THSD7A: variants seen among roughly 807,000 people sequenced by gnomAD.
THSD7A encodes thrombospondin type 1 domain containing 7A, also known as thrombospondin type-1 domain-containing protein 7A.
In THSD7A, 96 loss-of-function variants were observed where a neutral mutation model predicts 231.3. The ratio of observed to expected loss-of-function variants is 0.41; its 90% CI spans 0.35 to 0.49. The LOEUF is 0.49. Among genes scored for constraint, THSD7A ranks in the 20% least tolerant of loss-of-function variants. The pLI, the probability that THSD7A is intolerant of heterozygous loss-of-function variation, is 0.05. For missense variants in THSD7A, 2,290 were observed against 2,070.2 expected, an observed-to-expected ratio of 1.11 and a Z score of -2.06; for synonymous variants, 940 against 743.3, an observed-to-expected ratio of 1.26 and a Z score of -4.30.
chr7:11,821,225 G>A (rs1784863861), intron 1 of THSD7A: 4 of 1,185,196 alleles, frequency 3.4e-6, no homozygotes, highest in African/African-American at 1.5e-5. Context: ...ACTATATGTT[G>A]GGCTAACAGT....
intron 1 of THSD7A, among the ~76,000 whole-genome samples, chr7:11,689,730 C>T (rs78495262): frequency 0.091 from 13,742 of 150,618 alleles, 789 homozygotes; most frequent in Non-Finnish European, 0.14. Flanking sequence ...CTTTAGCTAT[C>T]CATAGTAAAT....
chr7:11,664,954 T>C (rs1180623429), intron 1 of THSD7A, among the ~76,000 whole-genome samples: 2 of 151,906 alleles, frequency 1.3e-5, no homozygotes, highest in Non-Finnish European at 2.9e-5. Flanking sequence ...AGGGAAAGGG[T>C]GGCTTAGGTA....
intron 1 of THSD7A, among the ~76,000 whole-genome samples, chr7:11,668,765 A>G (rs1312319425): frequency 6.6e-6 from 1 of 152,168 alleles, no homozygotes; most frequent in East Asian, 1.9e-4. Flanking sequence ...AATAAATCTC[A>G]TGTAATCCAG....
intron 4 of THSD7A, among the ~76,000 whole-genome samples, chr7:11,549,288 T>C (rs1789528288): frequency 1.4e-5 from 2 of 138,382 alleles, no homozygotes; most frequent in South Asian, 4.7e-4. Context: ...TTTTACACTG[T>C]TTGTGTAATG....
chr7:11,602,861 T>C (rs565533120), intron 2 of THSD7A, among the ~76,000 whole-genome samples: 10 of 151,426 alleles, frequency 6.6e-5, no homozygotes, highest in Non-Finnish European at 1.2e-4. Flanking sequence ...CAGGTTTTTA[T>C]GGTTTTAGGT....
Position 11,593,302 on chromosome 7 carries a change from T to G in THSD7A, c.1223A>C (p.Glu408Ala). The G allele has an allele frequency of 6.2e-7, 1 of 1,614,018 alleles. No homozygotes were observed. Among genetic ancestry groups the G allele is most frequent in the Non-Finnish European group, 8.5e-7 (1 of 1,179,884 alleles). ...TCCTTGAGACAAACAGGGTTCTTTT[T>G]CTTCAAATTCTGGACACTCCTTTTC... Reference protein sequence around the residue: ...GSEKECPEFEEKEPCLSQGDG... With the variant: ...GSEKECPEFEAKEPCLSQGDG... The change falls in exon 3 of 28, where the codon GAA becomes GCA. Residue 408 changes from glutamate to alanine, a missense_variant. By Grantham distance (107) the Glu-to-Ala change is moderately radical. Transcript: ENST00000423059.
chr7:11,712,006 C>A (rs948364334), intron 1 of THSD7A, among the ~76,000 whole-genome samples: 1 of 151,052 alleles, frequency 6.6e-6, no homozygotes. Flanking sequence ...AAACACTCAG[C>A]TGAAACCTTC....
rs780939593 is a variant in THSD7A, at chr7:11,406,484, A to G, written c.4063-10T>C. The G allele has an allele frequency of 6.2e-7, 1 of 1,600,266 alleles. No homozygotes were observed. Among genetic ancestry groups the G allele is most frequent in the South Asian group, 1.1e-5 (1 of 88,720 alleles). On this transcript the variant is annotated splice_polypyrimidine_tract_variant and intron_variant, in intron 21 of 27. Transcript: ENST00000423059. This position sits in a 1 kb window ranked among gnomAD's most constrained non-coding sequence, Gnocchi z 4.7. ...CTCCACACTGGGCCTCCTGGAATGG[A>G]GGAAGAAATAACTAATTAGAAAAAG...
intron 1 of THSD7A, among the ~76,000 whole-genome samples, chr7:11,731,891 T>G (rs1381000385): frequency 2.9e-5 from 3 of 104,422 alleles, no homozygotes; most frequent in African/African-American, 1.6e-4. Flanking sequence ...CTGCTGATTT[T>G]AATTGTTATC....
chr7:11,430,667 T>C (rs1039686003), intron 13 of THSD7A, among the ~76,000 whole-genome samples: 1 of 151,976 alleles, frequency 6.6e-6, no homozygotes, highest in South Asian at 2.1e-4. Flanking sequence ...AGAGATGAGG[T>C]GTTACGGTGT....
intron 4 of THSD7A, among the ~76,000 whole-genome samples, chr7:11,569,322 A>G (rs1790523012): frequency 6.6e-6 from 1 of 152,194 alleles, no homozygotes; most frequent in South Asian, 2.1e-4. Context: ...AAGGAACTCA[A>G]CTGCAATAAT....
chr7:11,798,514 AAG>A (rs2128180538), intron 1 of THSD7A, among the ~76,000 whole-genome samples: 1 of 152,120 alleles, frequency 6.6e-6, no homozygotes, highest in Non-Finnish European at 1.5e-5. Context: ...AAAAAAGAGA[AAG>A]AAATATGCAA....
chr7:11,605,726 T>C (rs544034701), intron 2 of THSD7A, among the ~76,000 whole-genome samples: 1 of 152,262 alleles, frequency 6.6e-6, no homozygotes, highest in East Asian at 1.9e-4. Context: ...TTACCAATAA[T>C]TGGATAGGCT....
intron 6 of THSD7A, among the ~76,000 whole-genome samples, chr7:11,486,170 T>C (rs960095303): frequency 6.6e-6 from 1 of 152,218 alleles, no homozygotes; most frequent in Non-Finnish European, 1.5e-5. Context: ...ATCTTACTTA[T>C]AAGAACTTAC....
chr7:11,618,858 C>T (rs1002458582), intron 2 of THSD7A, among the ~76,000 whole-genome samples: 1 of 151,116 alleles, frequency 6.6e-6, no homozygotes, highest in African/African-American at 2.4e-5. Context: ...TTTATGCACA[C>T]ATATGAATTT....
In THSD7A at chr7:11,474,165, A is replaced by G. The variant is rs923994621; in HGVS notation, c.2252+169T>C. Among the ~76,000 whole-genome samples the G allele has an allele frequency of 2.0e-5, 3 of 152,190 alleles. No homozygotes were observed. Among genetic ancestry groups the G allele is most frequent in the Non-Finnish European group, 4.4e-5 (3 of 68,034 alleles). On this transcript the variant is annotated intron_variant, in intron 8 of 27. Coordinates refer to ENST00000423059, the MANE Select transcript of THSD7A (RefSeq NM_015204.3). This position sits in a 1 kb window ranked among gnomAD's most constrained non-coding sequence, Gnocchi z 4.1. The stretch of plus-strand genomic sequence containing the variant: ...TTATGGTTCCCCAGTATAAAACTCA[A>G]AGCTGTTATAGCTTTATCAGTGGCT...
intron 9 of THSD7A, among the ~76,000 whole-genome samples, chr7:11,463,575 T>A (rs1372076265): frequency 1.3e-5 from 2 of 152,154 alleles, no homozygotes; most frequent in African/African-American, 2.4e-5. Context: ...TTTAGAATTA[T>A]TATTCCCGTT....
At chr7:11,690,740 T>C (rs10248513) in intron 1 of THSD7A, among the ~76,000 whole-genome samples, 4,880 of 151,850 alleles carry the variant, frequency 0.032, 266 homozygotes, top group African/African-American at 0.11. Context: ...CTGAGTCAAT[T>C]TCTGTACAAG....
chr7:11,602,229 T>A (rs955707101), intron 2 of THSD7A, among the ~76,000 whole-genome samples: 1 of 152,140 alleles, frequency 6.6e-6, no homozygotes, highest in Non-Finnish European at 1.5e-5. Context: ...ATTAATTGCA[T>A]AAAGAAAAAT....
Sources: gnomAD v4.1 joint callset for allele counts (sites outside exome capture counted in the v4.1 genomes callset) on GRCh38, gnomAD v4.1.1 for gene constraint, Gnocchi (gnomAD v3.1) non-coding constraint, MANE v1.5 for transcripts, NCBI Gene and HGNC (gene_info 2026-07-23, HGNC 2026-07-21) for gene names.